The following TAS2R1 variants were observed in gnomAD, a reference collection of about 807,000 sequenced individuals.
TAS2R1 encodes taste receptor type 2 member 1.
For synonymous variants in TAS2R1, 141 were observed against 134.2 expected (o/e 1.05, Z -0.35); for missense variants, 370 against 353.4 (o/e 1.05, Z -0.38).
the TAS2R1 span, among the ~76,000 whole-genome samples, chr5:9,745,073 T>C: frequency 3.3e-5 from 5 of 152,098 alleles, no homozygotes; most frequent in Non-Finnish European, 7.4e-5. Flanking sequence ...AGAGAATGAA[T>C]TGGTGGAAAA....
chr5:9,808,185 A>G, the TAS2R1 span, among the ~76,000 whole-genome samples: 1 of 152,240 alleles, frequency 6.6e-6, no homozygotes, highest in Admixed American at 6.5e-5. Context: ...TAGAGACTAC[A>G]TAAGTGATTG....
intron 1 of TAS2R1, among the ~76,000 whole-genome samples, chr5:9,685,629 A>C (rs1296394704): frequency 6.6e-6 from 1 of 152,196 alleles, no homozygotes; most frequent in Admixed American, 6.5e-5. Context: ...GATTCACAAC[A>C]GATCTCAAAA....
intron 1 of TAS2R1, among the ~76,000 whole-genome samples, chr5:9,703,994 T>A (rs1741547124): frequency 6.6e-6 from 1 of 152,212 alleles, no homozygotes; most frequent in Non-Finnish European, 1.5e-5. Flanking sequence ...ATAAAGCTGA[T>A]TTGTAGTAAA....
the TAS2R1 span, among the ~76,000 whole-genome samples, chr5:9,826,606 C>T: frequency 6.6e-6 from 1 of 152,150 alleles, no homozygotes; most frequent in Admixed American, 6.5e-5. Flanking sequence ...CAGGTTAGGG[C>T]TAACCTATAT....
At chr5:9,631,576 C>A (rs548289107), upstream of TAS2R1, among the ~76,000 whole-genome samples, 1 of 152,282 alleles carries the variant, frequency 6.6e-6, no homozygotes, top group South Asian at 2.1e-4. Context: ...CACCAGAGCA[C>A]AAAGTGGGGA....
the TAS2R1 span, among the ~76,000 whole-genome samples, chr5:9,823,358 C>A: frequency 6.6e-6 from 1 of 151,848 alleles, no homozygotes; most frequent in Admixed American, 6.6e-5. Flanking sequence ...TACAGATATG[C>A]TGAATATCTA....
chr5:9,756,301 T>C, the TAS2R1 span, among the ~76,000 whole-genome samples: 2 of 152,170 alleles, frequency 1.3e-5, no homozygotes, highest in South Asian at 2.1e-4. Context: ...CAAAGACTTA[T>C]GGTTGTGGTC....
chr5:9,744,199 T>C, the TAS2R1 span, among the ~76,000 whole-genome samples: 5 of 152,204 alleles, frequency 3.3e-5, no homozygotes, highest in African/African-American at 1.2e-4. Context: ...ACATAGGTTT[T>C]GACATTTTTA....
At chr5:9,711,225 G>A (rs190286656) in intron 1 of TAS2R1, among the ~76,000 whole-genome samples, 13 of 152,054 alleles carry the variant, frequency 8.5e-5, no homozygotes, top group East Asian at 1.9e-4. Context: ...CATGTTCACC[G>A]CAGCATTATT....
chr5:9,826,131 A>AT, the TAS2R1 span, among the ~76,000 whole-genome samples: 1 of 152,212 alleles, frequency 6.6e-6, no homozygotes, highest in Admixed American at 6.5e-5. Context: ...TAAGTCATAG[A>AT]TTTATAAAAT....
At chr5:9,667,648 A>G (rs1027742363) in intron 1 of TAS2R1, among the ~76,000 whole-genome samples, 1 of 152,224 alleles carries the variant, frequency 6.6e-6, no homozygotes, top group African/African-American at 2.4e-5. Flanking sequence ...GGGCATGAAG[A>G]CAGTAATCAA....
At chr5:9,849,934 T>A in the TAS2R1 span, among the ~76,000 whole-genome samples, 1 of 152,176 alleles carries the variant, frequency 6.6e-6, no homozygotes, top group African/African-American at 2.4e-5. Context: ...CACCCAGATA[T>A]CACAGCTCCC....
chr5:9,764,539 G>A, the TAS2R1 span, among the ~76,000 whole-genome samples: 1 of 152,174 alleles, frequency 6.6e-6, no homozygotes, highest in South Asian at 2.1e-4. Context: ...TCGGATCTAG[G>A]AGGAATTTCT....
chr5:9,857,583 G>A, the TAS2R1 span, among the ~76,000 whole-genome samples: 1,054 of 152,172 alleles, frequency 6.9e-3, 42 homozygotes, highest in Admixed American at 0.056. Flanking sequence ...AAAAGTTGAA[G>A]GAAAATAAAT....
At chr5:9,893,863 A>G in the TAS2R1 span, among the ~76,000 whole-genome samples, 11,501 of 152,248 alleles carry the variant, frequency 0.076, 504 homozygotes, top group East Asian at 0.19. Flanking sequence ...GTGGTCAAAG[A>G]TTGGATGGGT....
At chr5:9,667,034 A>C (rs1056431889) in intron 1 of TAS2R1, among the ~76,000 whole-genome samples, 1 of 152,216 alleles carries the variant, frequency 6.6e-6, no homozygotes, top group Non-Finnish European at 1.5e-5. Flanking sequence ...GCATGTTCCA[A>C]AATAAAACTA....
the TAS2R1 span, among the ~76,000 whole-genome samples, chr5:9,833,938 C>T: frequency 6.6e-6 from 1 of 152,192 alleles, no homozygotes; most frequent in East Asian, 1.9e-4. Context: ...TCAGTGTTGG[C>T]TTCTCAGAGC....
At chr5:9,640,493 T>A in intron 2 of TAS2R1, among the ~76,000 whole-genome samples, 1 of 77,590 alleles carries the variant, frequency 1.3e-5, no homozygotes, top group Admixed American at 1.4e-4. Flanking sequence ...AACCTTCAAT[T>A]CCTTAAAAAA....
the TAS2R1 span, among the ~76,000 whole-genome samples, chr5:9,758,461 A>C: frequency 6.6e-6 from 1 of 152,170 alleles, no homozygotes; most frequent in Non-Finnish European, 1.5e-5. Flanking sequence ...CCTTCCCAGA[A>C]ATTTTTAATT....
Sources: allele counts gnomAD v4.1 joint callset (sites outside exome capture counted in the v4.1 genomes callset), GRCh38; gene constraint gnomAD v4.1.1; transcripts MANE v1.5; gene names NCBI Gene and HGNC (gene_info 2026-07-23, HGNC 2026-07-21).